Variants in CACNA2D1 observed in about 807,000 individuals in gnomAD.
CACNA2D1 encodes voltage-dependent calcium channel subunit alpha-2/delta-1.
CACNA2D1 carries 53 observed loss-of-function variants against 171.5 expected under a neutral mutation model. The observed-to-expected ratio is 0.31, with a 90% confidence interval of 0.25 to 0.39. The LOEUF is 0.39. Ranked by LOEUF, CACNA2D1 falls within the 10% of genes least tolerant of loss-of-function variation. The pLI, the probability that CACNA2D1 is intolerant of heterozygous loss-of-function variation, is 1.00. For missense variants in CACNA2D1, 903 were observed against 1,299.8 expected, an observed-to-expected ratio of 0.69 and a Z score of 4.69; for synonymous variants, 442 against 443.1, an observed-to-expected ratio of 1.00 and a Z score of 0.03.
intron 1 of CACNA2D1, among the ~76,000 whole-genome samples, chr7:82,442,135 C>A (rs1236226482): frequency 6.6e-6 from 1 of 152,152 alleles, no homozygotes. Flanking sequence ...GAATGTGCAT[C>A]CTCCAGATTC....
chr7:82,433,134 G>A (rs1829847072), intron 1 of CACNA2D1, among the ~76,000 whole-genome samples: 1 of 151,638 alleles, frequency 6.6e-6, no homozygotes, highest in Non-Finnish European at 1.5e-5. Context: ...ATTGCAGTGA[G>A]CTGAGATCAC....
At chr7:82,371,643 C>T (rs905358943) in intron 1 of CACNA2D1, among the ~76,000 whole-genome samples, 1 of 152,022 alleles carries the variant, frequency 6.6e-6, no homozygotes, top group African/African-American at 2.4e-5. Flanking sequence ...TGCAATCGCA[C>T]AATCTCGGCT....
intron 3 of CACNA2D1, among the ~76,000 whole-genome samples, chr7:82,258,966 T>C (rs942588724): frequency 7.9e-5 from 12 of 151,810 alleles, no homozygotes; most frequent in Non-Finnish European, 1.8e-4. Flanking sequence ...GTAGCTGGGG[T>C]TACAGGTGCA....
intron 6 of CACNA2D1, among the ~76,000 whole-genome samples, chr7:82,093,241 C>A (rs1811447889): frequency 6.6e-6 from 1 of 152,118 alleles, no homozygotes. Context: ...ATAATAATAG[C>A]ATCTGCATCA....
At chr7:82,320,616 T>C (rs1190598884) in intron 3 of CACNA2D1, among the ~76,000 whole-genome samples, 4 of 149,632 alleles carry the variant, frequency 2.7e-5, no homozygotes, top group African/African-American at 9.9e-5. Flanking sequence ...GGTCTTGCTA[T>C]ATTGCACAAG....
intron 3 of CACNA2D1, among the ~76,000 whole-genome samples, chr7:82,307,453 G>A (rs542957466): frequency 1.3e-5 from 2 of 150,780 alleles, no homozygotes; most frequent in African/African-American, 2.4e-5. Context: ...CACCATGCCT[G>A]ACAAGAATTA....
At chr7:82,405,454 T>C (rs1826923748) in intron 1 of CACNA2D1, among the ~76,000 whole-genome samples, 2 of 152,148 alleles carry the variant, frequency 1.3e-5, no homozygotes, top group African/African-American at 4.8e-5. Context: ...TACTTCTAAG[T>C]AAAGACATTG....
intron 7 of CACNA2D1, among the ~76,000 whole-genome samples, chr7:82,081,853 G>A (rs1299765639): frequency 6.6e-6 from 1 of 152,210 alleles, no homozygotes; most frequent in African/African-American, 2.4e-5. Context: ...CCTCTGGTGG[G>A]AGGGGGTGTG....
intron 1 of CACNA2D1, among the ~76,000 whole-genome samples, chr7:82,414,863 T>C (rs1451713621): frequency 6.6e-6 from 1 of 152,178 alleles, no homozygotes; most frequent in Non-Finnish European, 1.5e-5. Flanking sequence ...TAGCTACTCA[T>C]TCATACTTAT....
At chr7:82,387,059 A>T (rs1481864176) in intron 1 of CACNA2D1, among the ~76,000 whole-genome samples, 1 of 152,110 alleles carries the variant, frequency 6.6e-6, no homozygotes, top group Non-Finnish European at 1.5e-5. Flanking sequence ...TTGACTGTTT[A>T]ATTATTAATT....
intron 3 of CACNA2D1, among the ~76,000 whole-genome samples, chr7:82,291,542 TATAG>T (rs1211003571): frequency 2.1e-5 from 3 of 139,758 alleles, no homozygotes; most frequent in Non-Finnish European, 3.0e-5. Flanking sequence ...ATATGTGATA[TATAG>T]ATATATATAA....
intron 3 of CACNA2D1, among the ~76,000 whole-genome samples, chr7:82,185,522 A>AGGGGGGGGGGGGGGG (rs1797627735): frequency 7.3e-5 from 1 of 13,784 alleles, no homozygotes; most frequent in Admixed American, 1.3e-3. Context: ...GAGGAGGGGG[A>AGGGGGGGGGGGGGGG]GGAGGAGGAG....
At chr7:82,384,143 A>G (rs1824042645) in intron 1 of CACNA2D1, among the ~76,000 whole-genome samples, 1 of 152,184 alleles carries the variant, frequency 6.6e-6, no homozygotes, top group South Asian at 2.1e-4. Flanking sequence ...AAGAGAATTA[A>G]GGTGACAATT....
chr7:82,264,855 A>G (rs1807609348), intron 3 of CACNA2D1, among the ~76,000 whole-genome samples: 1 of 152,190 alleles, frequency 6.6e-6, no homozygotes, highest in South Asian at 2.1e-4. Context: ...ACACTTACAG[A>G]TGAAAATATA....
chr7:82,029,811 A>C (rs1802437803), intron 12 of CACNA2D1: 1 of 151,834 alleles, frequency 6.6e-6, no homozygotes, highest in Non-Finnish European at 1.5e-5. Context: ...TGAAGTTAGA[A>C]AAACAAACAA....
chr7:82,204,276 G>A (rs7809723), intron 3 of CACNA2D1, among the ~76,000 whole-genome samples: 6,624 of 152,270 alleles, frequency 0.044, 474 homozygotes, highest in African/African-American at 0.15. Context: ...AACCTGCACC[G>A]ACAGCTGGGG....
chr7:82,158,450 C>G (rs254306), intron 4 of CACNA2D1, among the ~76,000 whole-genome samples: 20,397 of 146,246 alleles, frequency 0.14, 1,717 homozygotes, highest in African/African-American at 0.26. Context: ...CACTACAAAG[C>G]AAACAGGGGA....
At chr7:82,305,792 A>G (rs959783818) in intron 3 of CACNA2D1, among the ~76,000 whole-genome samples, 1 of 151,900 alleles carries the variant, frequency 6.6e-6, no homozygotes, top group Non-Finnish European at 1.5e-5. Flanking sequence ...TAGAGGGCAA[A>G]GGGAAGGTTT....
intron 7 of CACNA2D1, among the ~76,000 whole-genome samples, chr7:82,071,041 G>C (rs1260734591): frequency 6.6e-6 from 1 of 152,120 alleles, no homozygotes; most frequent in Non-Finnish European, 1.5e-5. Flanking sequence ...CTGATGAAAA[G>C]AACAACAACT....
Sources: allele counts gnomAD v4.1 joint callset (sites outside exome capture counted in the v4.1 genomes callset), GRCh38; gene constraint gnomAD v4.1.1; transcripts MANE v1.5; gene names NCBI Gene and HGNC (gene_info 2026-07-23, HGNC 2026-07-21).